The following DOCK1 variants were observed in gnomAD, a reference collection of about 807,000 sequenced individuals.
DOCK1 encodes dedicator of cytokinesis protein 1.
Under a neutral mutation model 262.7 loss-of-function variants are expected in DOCK1, and 138 were observed. The observed-to-expected ratio is 0.53, with a 90% confidence interval of 0.46 to 0.61. DOCK1 has a LOEUF of 0.61. Among genes scored for constraint, DOCK1 ranks in the 20% least tolerant of loss-of-function variants. DOCK1 has a pLI of 0.00. For missense variants in DOCK1, 1,908 were observed against 2,370.7 expected, an observed-to-expected ratio of 0.80 and a Z score of 4.05; for synonymous variants, 866 against 867.4, an observed-to-expected ratio of 1.00 and a Z score of 0.03.
chr10:127,098,980 G>T (rs1455495926), intron 23 of DOCK1, among the ~76,000 whole-genome samples: 1 of 152,166 alleles, frequency 6.6e-6, no homozygotes, highest in Non-Finnish European at 1.5e-5. Context: ...TATTAGAAAT[G>T]AATCAAGCTA....
At chr10:127,275,955 C>T (rs959958921) in intron 29 of DOCK1, among the ~76,000 whole-genome samples, 4 of 152,222 alleles carry the variant, frequency 2.6e-5, no homozygotes, top group Admixed American at 6.5e-5. Flanking sequence ...GCGTACAGGC[C>T]GCGTTGGAGA....
At chr10:127,355,062 T>TG (rs570757611) in intron 32 of DOCK1, among the ~76,000 whole-genome samples, 70 of 152,328 alleles carry the variant, frequency 4.6e-4, no homozygotes, top group African/African-American at 1.6e-3. Flanking sequence ...AAGCTCATCC[T>TG]GCTGTGACAT....
intron 23 of DOCK1, among the ~76,000 whole-genome samples, chr10:127,074,300 G>A (rs2046393548): frequency 6.6e-6 from 1 of 152,110 alleles, no homozygotes; most frequent in African/African-American, 2.4e-5. Context: ...GTTTTTTTCA[G>A]GAACTTGCCC....
At chr10:127,219,101 A>G (rs1198657882) in intron 27 of DOCK1, among the ~76,000 whole-genome samples, 1 of 152,200 alleles carries the variant, frequency 6.6e-6, no homozygotes, top group Non-Finnish European at 1.5e-5. Context: ...AACTTCTAGC[A>G]TATTGTTTAT....
At chr10:127,057,738 C>T (rs1472040645) in intron 22 of DOCK1, among the ~76,000 whole-genome samples, 4 of 152,206 alleles carry the variant, frequency 2.6e-5, no homozygotes, top group Non-Finnish European at 5.9e-5. Flanking sequence ...CCTGCCTTCT[C>T]TTCTGGGTTT....
At chr10:126,984,517 T>TTGTG (rs564741458) in intron 4 of DOCK1, among the ~76,000 whole-genome samples, 32 of 150,614 alleles carry the variant, frequency 2.1e-4, no homozygotes, top group South Asian at 4.2e-4. Context: ...CAGCTAATTT[T>TTGTG]TGTGTGTGTG....
At chr10:126,952,005 A>C (rs2134409375) in intron 1 of DOCK1, among the ~76,000 whole-genome samples, 1 of 152,058 alleles carries the variant, frequency 6.6e-6, no homozygotes, top group African/African-American at 2.4e-5. Context: ...GTGTACCACC[A>C]GGCCCAGCTA....
chr10:127,008,691 C>T (rs988752455), intron 10 of DOCK1, 41 bp from the exon 11 acceptor site: 1 of 1,502,320 alleles, frequency 6.7e-7, no homozygotes, highest in African/African-American at 1.4e-5. Flanking sequence ...GTGATTATAG[C>T]ATTTAAGCCA....
At chr10:126,938,109 C>T (rs1404410556) in intron 1 of DOCK1, among the ~76,000 whole-genome samples, 4 of 151,400 alleles carry the variant, frequency 2.6e-5, no homozygotes, top group South Asian at 2.1e-4. Flanking sequence ...TGCAATGGCA[C>T]GATCTCAGCT....
At chr10:127,082,315 T>C (rs1407701686) in intron 23 of DOCK1, among the ~76,000 whole-genome samples, 1 of 152,108 alleles carries the variant, frequency 6.6e-6, no homozygotes, top group Non-Finnish European at 1.5e-5. Context: ...TAGTCTATTC[T>C]CACGCTGCCA....
intron 33 of DOCK1, among the ~76,000 whole-genome samples, chr10:127,364,269 C>A (rs1011502396): frequency 6.6e-6 from 1 of 152,238 alleles, no homozygotes; most frequent in Non-Finnish European, 1.5e-5. Context: ...CTCTACACAC[C>A]CACAGCTGTG....
chr10:127,000,482 G>A (rs1326317037), intron 10 of DOCK1, 175 bp downstream of exon 10: 1 of 931,254 alleles, frequency 1.1e-6, no homozygotes, highest in Admixed American at 3.0e-5. Flanking sequence ...TGACCTGCTA[G>A]GCTCAGGATG....
chr10:127,350,920 T>C (rs2063849202), intron 31 of DOCK1, among the ~76,000 whole-genome samples: 1 of 152,160 alleles, frequency 6.6e-6, no homozygotes, highest in Admixed American at 6.5e-5. Context: ...CATCACTCTC[T>C]TGTTGTTCAC....
chr10:126,942,674 A>T (rs2035111792), intron 1 of DOCK1, among the ~76,000 whole-genome samples: 1 of 152,186 alleles, frequency 6.6e-6, no homozygotes, highest in Non-Finnish European at 1.5e-5. Flanking sequence ...GAGTTCCATT[A>T]TCCCGTTTAT....
chr10:127,076,669 C>T (rs1424274166), intron 23 of DOCK1, among the ~76,000 whole-genome samples: 1 of 152,194 alleles, frequency 6.6e-6, no homozygotes, highest in East Asian at 1.9e-4. Context: ...CTCCTCACTG[C>T]TCAGCTCCTC....
intron 29 of DOCK1, among the ~76,000 whole-genome samples, chr10:127,258,025 C>T (rs1020799677): frequency 6.6e-6 from 1 of 152,092 alleles, no homozygotes; most frequent in Non-Finnish European, 1.5e-5. Flanking sequence ...GTTTTTCTTT[C>T]TCATTGCAAT....
intron 43 of DOCK1, among the ~76,000 whole-genome samples, chr10:127,414,390 T>C (rs1232457589): frequency 6.6e-6 from 1 of 152,220 alleles, no homozygotes; most frequent in Non-Finnish European, 1.5e-5. Flanking sequence ...GACCCCTGCA[T>C]TGGAGTTTTT....
rs550198055 is a variant in DOCK1 at position 127,379,970 on chromosome 10, G to T, written c.3676-112G>T. The T allele has an allele frequency of 1.5e-5, 11 of 726,520 alleles. No homozygotes were observed. In the South Asian group the frequency reaches 1.8e-4, roughly 12 times the overall value. 45.0% of individuals were successfully genotyped at this position (726,520 alleles called of 1,614,324 possible). On this transcript the variant is annotated intron_variant, in intron 35 of 51. Transcript: ENST00000623213. Reference sequence around the variant, plus strand: ...TTTATGGTTCTGATCCAAAGAGCTGGGTCCATTTGGCTGTGTTTGACACAA... The same window carrying T: ...TTTATGGTTCTGATCCAAAGAGCTGTGTCCATTTGGCTGTGTTTGACACAA...
At chr10:127,359,924 T>G (rs1056977770) in intron 32 of DOCK1, among the ~76,000 whole-genome samples, 2 of 152,226 alleles carry the variant, frequency 1.3e-5, no homozygotes, top group Admixed American at 1.3e-4. Context: ...GTTAAAATAC[T>G]GCACATATTT....
Sources: gnomAD v4.1 joint callset for allele counts (sites outside exome capture counted in the v4.1 genomes callset) on GRCh38, gnomAD v4.1.1 for gene constraint, MANE v1.5 for transcripts, NCBI Gene and HGNC (gene_info 2026-07-23, HGNC 2026-07-21) for gene names.